Variants in AMER1 observed in about 807,000 individuals in gnomAD.
AMER1 encodes the protein RP11-403E24.2.
AMER1 carries 16 observed loss-of-function variants against 53.0 expected under a neutral mutation model. The observed-to-expected ratio is 0.30, with a 90% CI of 0.20 to 0.46. The LOEUF is 0.46. Among genes scored for constraint, AMER1 ranks in the 20% least tolerant of loss-of-function variants. The pLI is 1.00. For synonymous variants in AMER1, 354 were observed against 331.9 expected (o/e 1.07, Z -0.73); for missense variants, 947 against 884.9 (o/e 1.07, Z -0.89).
chrX:64,202,325 C>T (rs777298165), intron 1 of AMER1, among the ~76,000 whole-genome samples: 1 of 111,816 alleles, frequency 8.9e-6, no homozygotes, highest in East Asian at 2.8e-4. Context: ...ACTCAGCCCC[C>T]CTTTCCTCTT....
Position 64,185,647 on chromosome X carries a change from T to C in AMER1, c.*4232A>G, listed in dbSNP as rs1602064321. 1.1e-5 allele frequency: 2 copies of C among 176,478 alleles called. No individual in the cohort carries two copies. Among genetic ancestry groups the C allele is most frequent in the East Asian group, 8.3e-5 (1 of 11,982 alleles). 14.5% of individuals were successfully genotyped at this position (176,478 alleles called of 1,213,427 possible). ...AAAGTCACTGTTCCCCAAAGTACCA[T>C]CCACGTGTGAGCTGGAGCAGGGCAG... On this transcript the variant is annotated 3_prime_UTR_variant, in exon 2 of 2. Coordinates refer to ENST00000374869, the MANE Select transcript of AMER1 (RefSeq NM_152424.4).
chrX:64,204,916 G>C (rs1930566487), intron 1 of AMER1, among the ~76,000 whole-genome samples: 1 of 113,322 alleles, frequency 8.8e-6, no homozygotes, highest in East Asian at 2.8e-4. Context: ...GCTAGTTGGG[G>C]CCACAAGGCC....
rs762635236 is a variant in AMER1 at position 64,186,404 on chromosome X, T to C, written c.*3475A>G. 2 of 816,713 alleles carry C rather than the reference T, an allele frequency of 2.4e-6. No individual in the cohort carries two copies. The highest frequency in any genetic ancestry group is 4.3e-5 in the African/African-American group (2 of 46,320). 67.3% of individuals were successfully genotyped at this position (816,713 alleles called of 1,213,427 possible). A position where few individuals can be genotyped will look rare whatever the true frequency, so the allele number is the denominator to read the frequency against. ...TTCCATGAATATAAAATGCAAACAA[T>C]ATAAAAATAGATAATTGACTTTTGA... is the stretch of plus-strand genomic sequence containing the variant. On this transcript the variant is annotated 3_prime_UTR_variant, in exon 2 of 2. Coordinates refer to ENST00000374869, the MANE Select transcript of AMER1 (RefSeq NM_152424.4).
At chrX:64,195,572 C>T (rs1930347638) in intron 1 of AMER1, among the ~76,000 whole-genome samples, 2 of 112,299 alleles carry the variant, frequency 1.8e-5, no homozygotes, top group South Asian at 7.4e-4. Flanking sequence ...TCAGCAGAGG[C>T]ATTAGATTCT....
Position 64,189,706 on chromosome X carries a change from T to C in AMER1, c.*173A>G. On this transcript the variant is annotated 3_prime_UTR_variant, in exon 2 of 2. Coordinates refer to ENST00000374869, the MANE Select transcript of AMER1 (RefSeq NM_152424.4). ...GATGCACTTGAGTTGAACGTGGCCA[T>C]AGATGGCAGAAGAGGCAAGTGGGAA... The C allele has an allele frequency of 1.8e-6, 2 of 1,098,170 alleles. No homozygotes were observed. The highest frequency in any genetic ancestry group is 3.4e-5 in the East Asian group (1 of 29,725). 90.5% of individuals were successfully genotyped at this position (1,098,170 alleles called of 1,213,427 possible).
chrX:64,191,545 T>G lies in AMER1; in HGVS notation c.1742A>C (p.Gln581Pro). ...WELRREQLEA[Q>P]EARAREAHAR... ...ATGAGCTTCTCGGGCACGTGCCTCC[T>G]GGGCCTCAAGCTGCTCCCGCCGAAG... Residue 581 changes from glutamine to proline, a missense_variant, in exon 2 of 2, where the codon CAG (glutamine) becomes CCG (proline). By Grantham distance (76) the Gln-to-Pro change is moderately conservative (BLOSUM62 -1). Coordinates refer to ENST00000374869, the MANE Select transcript of AMER1 (RefSeq NM_152424.4). 3 of 1,212,335 alleles carry G rather than the reference T, an allele frequency of 2.5e-6. No individual in the cohort carries two copies. In the South Asian group the frequency reaches 5.3e-5, roughly 21 times the overall value.
chrX:64,193,411 A>T, intron 1 of AMER1, 27 bp from the exon 2 acceptor site: 2 of 1,032,083 alleles, frequency 1.9e-6, no homozygotes, highest in Non-Finnish European at 2.7e-6. Context: ...AGACAAAGAC[A>T]GAGAGACAGA....
intron 1 of AMER1, among the ~76,000 whole-genome samples, chrX:64,200,592 C>T (rs1439140775): frequency 8.9e-6 from 1 of 111,888 alleles, no homozygotes; most frequent in African/African-American, 3.3e-5. Context: ...AGTCTGCTTG[C>T]TCCAAGTTGC....
At chrX:64,197,555 G>C (rs1276107229) in intron 1 of AMER1, among the ~76,000 whole-genome samples, 1 of 112,993 alleles carries the variant, frequency 8.9e-6, no homozygotes, top group Non-Finnish European at 1.9e-5. Context: ...GGCTGAATTG[G>C]GGGAAGAAAA....
Position 64,185,992 on chromosome X carries a change from T to C in AMER1, c.*3887A>G. 1 of 619,975 alleles carries C rather than the reference T, an allele frequency of 1.6e-6. No individual in the cohort carries two copies. Among genetic ancestry groups the C allele is most frequent in the Non-Finnish European group, 2.4e-6 (1 of 419,171 alleles). The allele number at this position is 619,975 out of a possible 1,213,427, so 51.1% of individuals were successfully genotyped here. A position where few individuals can be genotyped will look rare whatever the true frequency, so the allele number is the denominator to read the frequency against. On this transcript the variant is annotated 3_prime_UTR_variant, in exon 2 of 2. Coordinates refer to ENST00000374869, the MANE Select transcript of AMER1 (RefSeq NM_152424.4). ...AACATGGGCACTCTGATTTCAAAAC[T>C]AAAGCACAAAACATAACGAGGAAAA...
chrX:64,189,799 A>ACCCCC lies in AMER1; in HGVS notation c.*75_*79dup. 8.0e-6 allele frequency: 1 copy of ACCCCC among 125,103 alleles called. No homozygotes were observed. Among genetic ancestry groups the ACCCCC allele is most frequent in the Non-Finnish European group, 1.4e-5 (1 of 70,166 alleles). 10.3% of individuals were successfully genotyped at this position (125,103 alleles called of 1,213,427 possible). On this transcript the variant is annotated 3_prime_UTR_variant, in exon 2 of 2. Transcript: ENST00000374869. ...GTTTTCAAGTTAAACAACAACCCCCACCCCCCCACCCTTCTGCCCAACCCC... is the reference window on the plus strand; with the variant it reads ...GTTTTCAAGTTAAACAACAACCCCCACCCCCCCCCCCCACCCTTCTGCCCAACCCC...
At chrX:64,202,462 T>C (rs1360869031) in intron 1 of AMER1, among the ~76,000 whole-genome samples, 1 of 111,922 alleles carries the variant, frequency 8.9e-6, no homozygotes, top group African/African-American at 3.2e-5. Context: ...CTTAAATAGC[T>C]GTGTGACCTT....
At chrX:64,199,701 G>A (rs895300602) in intron 1 of AMER1, among the ~76,000 whole-genome samples, 1 of 110,950 alleles carries the variant, frequency 9.0e-6, no homozygotes, top group Non-Finnish European at 1.9e-5. Context: ...CCTCCCTACC[G>A]CAGCACCCCC....
rs766767101 is a variant in AMER1 at position 64,188,423 on chromosome X, T to A, written c.*1456A>T. 2.1e-5 allele frequency: 17 copies of A among 802,921 alleles called. No homozygotes were observed. The highest frequency in any genetic ancestry group is 2.5e-5 in the Non-Finnish European group (17 of 669,972). 66.2% of individuals were successfully genotyped at this position (802,921 alleles called of 1,213,427 possible). ...TTCCCCACCAGTATTTCCAACCTAG[T>A]TTAACATGAAAACTGCATGGATGCA... On this transcript the variant is annotated 3_prime_UTR_variant, in exon 2 of 2. Transcript: ENST00000374869.
chrX:64,190,645 C>A lies in AMER1; in HGVS notation c.2642G>T (p.Arg881Leu), dbSNP rs372769953. Reference protein sequence around the residue: ...RYLGLPGLHPRPPPAAMALNR... With the variant: ...RYLGLPGLHPLPPPAAMALNR... ...GAGGGCCATAGCAGCAGGTGGAGGT[C>A]GAGGGTGCAGGCCAGGCAGTCCCAA... is the stretch of plus-strand genomic sequence containing the variant. Residue 881 changes from arginine (R) to leucine (L), a missense_variant, in exon 2 of 2, where the codon CGA becomes CTA. Arg to Leu is a moderately radical substitution (Grantham distance 102, BLOSUM62 -2). Transcript: ENST00000374869. The A allele has an allele frequency of 2.0e-5, 24 of 1,209,848 alleles. No homozygotes were observed. In the Admixed American group the frequency reaches 3.7e-4, roughly 19 times the overall value.
chrX:64,189,793 A>ACGGGCGC lies in AMER1; in HGVS notation c.*85_*86insGCGCCCG. The ACGGGCGC allele has an allele frequency of 3.4e-6, 1 of 292,062 alleles. No homozygotes were observed. The highest frequency in any genetic ancestry group is 4.9e-6 in the Non-Finnish European group (1 of 204,823). 24.1% of individuals were successfully genotyped at this position (292,062 alleles called of 1,213,427 possible). A position where few individuals can be genotyped will look rare whatever the true frequency, so the allele number is the denominator to read the frequency against. ...CAAAGGGTTTTCAAGTTAAACAACAACCCCCACCCCCCCACCCTTCTGCCC... is the reference window on the plus strand; with the variant it reads ...CAAAGGGTTTTCAAGTTAAACAACAACGGGCGCCCCCCACCCCCCCACCCTTCTGCCC... On this transcript the variant is annotated 3_prime_UTR_variant, in exon 2 of 2. Coordinates refer to ENST00000374869, the MANE Select transcript of AMER1 (RefSeq NM_152424.4).
chrX:64,198,887 C>T lies in AMER1; in HGVS notation c.-98-5503G>A, dbSNP rs755862006. Among the ~76,000 whole-genome samples, 3 of 112,546 alleles carry T rather than the reference C, an allele frequency of 2.7e-5. No homozygotes were observed. The East Asian group carries it at 8.4e-4, about 31-fold the overall frequency. ...GGCCCAAAAACGAGAAACCTGCCAA[C>T]GTGGACAAAGATGCAGAATTTGAGC... On this transcript the variant is annotated intron_variant, in intron 1 of 1. Coordinates refer to ENST00000374869, the MANE Select transcript of AMER1 (RefSeq NM_152424.4).
rs1305806833 is a variant in AMER1 at position 64,191,017 on chromosome X, T to A, written c.2270A>T (p.Glu757Val). The change falls in exon 2 of 2, where the codon GAG becomes GTG. Residue 757 changes from glutamate (E) to valine (V), a missense_variant. Coordinates refer to ENST00000374869, the MANE Select transcript of AMER1 (RefSeq NM_152424.4). ...GGCATTCCCTTCCTTCTCAACCTCC[T>A]CTTCCTCTGGATCTTCAGGGGGTGA... is the stretch of plus-strand genomic sequence containing the variant. The part of the protein sequence containing the change: ...TYSPPEDPEE[E>V]EVEKEGNATV... 8.3e-7 allele frequency: 1 copy of A among 1,212,005 alleles called. No homozygotes were observed. Among genetic ancestry groups the A allele is most frequent in the Admixed American group, 2.2e-5 (1 of 46,076 alleles).
chrX:64,191,494 G>A lies in AMER1; in HGVS notation c.1793C>T (p.Ala598Val). Reference sequence around the variant, plus strand: ...CCTGCCATAAGCCTCTCGAGTATAGGCCTCCCTGGCGTGGGCCTCCCTGGC... The same window carrying A: ...CCTGCCATAAGCCTCTCGAGTATAGACCTCCCTGGCGTGGGCCTCCCTGGC... ...AHAREAHARE[A>V]YTREAYGREA... The change falls in exon 2 of 2, where the codon GCC becomes GTC. Residue 598 changes from alanine to valine, a missense_variant. By Grantham distance (64) the Ala-to-Val change is moderately conservative. Coordinates refer to ENST00000374869, the MANE Select transcript of AMER1 (RefSeq NM_152424.4). The A allele has an allele frequency of 8.3e-7, 1 of 1,211,730 alleles. No individual in the cohort carries two copies. The highest frequency in any genetic ancestry group is 2.2e-5 in the Admixed American group (1 of 46,083).
Sources: allele counts gnomAD v4.1 joint callset (sites outside exome capture counted in the v4.1 genomes callset), GRCh38; gene constraint gnomAD v4.1.1; transcripts MANE v1.5; gene names NCBI Gene and HGNC (gene_info 2026-07-23, HGNC 2026-07-21).